Variants in PCDH11X observed in about 807,000 individuals in gnomAD.
PCDH11X encodes the protein protocadherin-11 X-linked.
A neutral mutation model predicts 53.3 loss-of-function variants in PCDH11X; 18 were observed. The ratio of observed to expected loss-of-function variants is 0.34; its 90% CI spans 0.23 to 0.50. PCDH11X has a LOEUF of 0.50. PCDH11X is among the 20% of genes least tolerant of loss of function. The pLI is 0.98. For missense variants in PCDH11X, 570 were observed against 1,032.4 expected, an observed-to-expected ratio of 0.55 and a Z score of 6.14; for synonymous variants, 279 against 393.3, an observed-to-expected ratio of 0.71 and a Z score of 3.44.
chrX:92,278,065 G>C lies in PCDH11X; in HGVS notation c.3144+14922G>C, dbSNP rs184586950. Among the ~76,000 whole-genome samples the C allele has an allele frequency of 2.8e-3, 311 of 110,270 alleles. 2 individuals carry two copies. The highest frequency in any genetic ancestry group is 4.1e-3 in the Non-Finnish European group (212 of 52,306). On this transcript the variant is annotated intron_variant, in intron 8 of 10. Coordinates refer to ENST00000682573, the MANE Select transcript of PCDH11X (RefSeq NM_032968.5). ...ACCAGCGCTGGAGTTTTGGGTCCAT[G>C]GATAAAACGTGTCTCCTTTGTCTCT...
intron 8 of PCDH11X, among the ~76,000 whole-genome samples, chrX:92,348,562 GT>G (rs2069964217): frequency 9.4e-6 from 1 of 106,555 alleles, no homozygotes; most frequent in Non-Finnish European, 1.9e-5. Flanking sequence ...TTGAGACGGA[GT>G]TTCGCTCTTG....
At chrX:92,260,485 G>A (rs2067692576) in intron 7 of PCDH11X, among the ~76,000 whole-genome samples, 1 of 111,333 alleles carries the variant, frequency 9.0e-6, no homozygotes, top group African/African-American at 3.3e-5. Context: ...GGTAGCATCA[G>A]CGATTCAGGA....
intron 1 of PCDH11X, among the ~76,000 whole-genome samples, chrX:91,807,271 G>A (rs957870206): frequency 1.0e-4 from 11 of 110,335 alleles, no homozygotes; most frequent in East Asian, 5.7e-4. Flanking sequence ...GTCAAGCCCC[G>A]GAGTTGGAGG....
intron 6 of PCDH11X, among the ~76,000 whole-genome samples, chrX:92,065,761 C>G (rs939476998): frequency 1.8e-5 from 2 of 108,305 alleles, no homozygotes; most frequent in African/African-American, 6.7e-5. Flanking sequence ...GATTATGAAT[C>G]TCTTGTCAGA....
intron 8 of PCDH11X, among the ~76,000 whole-genome samples, chrX:92,276,746 G>A (rs935700479): frequency 1.5e-4 from 17 of 111,666 alleles, no homozygotes; most frequent in East Asian, 5.7e-4. Context: ...ATTTAATGTC[G>A]GGAGCAGATT....
chrX:92,106,703 T>A lies in PCDH11X; in HGVS notation c.3034-94672T>A, dbSNP rs565257002. Among the ~76,000 whole-genome samples the A allele has an allele frequency of 2.9e-4, 32 of 112,201 alleles. No homozygotes were observed. In the South Asian group the frequency reaches 0.012, roughly 41 times the overall value. On this transcript the variant is annotated intron_variant, in intron 6 of 10. Coordinates refer to ENST00000682573, the MANE Select transcript of PCDH11X (RefSeq NM_032968.5). ...TAAATAATTCAAATACTGAATTAAG[T>A]CTATAGTTAACAAGATATCACTTAC...
At chrX:91,944,851 A>G (rs2061553244) in intron 6 of PCDH11X, among the ~76,000 whole-genome samples, 1 of 105,984 alleles carries the variant, frequency 9.4e-6, no homozygotes, top group Non-Finnish European at 2.0e-5. Context: ...TTAAAAAGGA[A>G]CAGCTTTCAA....
In PCDH11X at chrX:91,946,560, T is replaced by TAC. The variant is rs1259849604; in HGVS notation, c.3033+67288_3033+67289insCA. Among the ~76,000 whole-genome samples the TAC allele has an allele frequency of 2.8e-4, 12 of 42,139 alleles. No individual in the cohort carries two copies. The South Asian group carries it at 0.011, about 39-fold the overall frequency. The allele number at this position is 42,139 out of a possible 115,157, so 36.6% of individuals were successfully genotyped here. A position where few individuals can be genotyped will look rare whatever the true frequency, so the allele number is the denominator to read the frequency against. On this transcript the variant is annotated intron_variant, in intron 6 of 10. Transcript: ENST00000682573. Reference sequence around the variant, plus strand: ...TTTGGATTCAAACCTGTTTCCCTCATATATATATATATATATATATATATA... The same window carrying TAC: ...TTTGGATTCAAACCTGTTTCCCTCATACATATATATATATATATATATATATA...
chrX:92,493,767 C>T (rs2073810509), intron 10 of PCDH11X, among the ~76,000 whole-genome samples: 1 of 104,755 alleles, frequency 9.5e-6, no homozygotes, highest in Non-Finnish European at 2.0e-5. Flanking sequence ...CTGTCTCAGC[C>T]TCCTGAGTAG....
intron 9 of PCDH11X, among the ~76,000 whole-genome samples, chrX:92,463,850 G>A (rs2073102032): frequency 9.1e-6 from 1 of 110,413 alleles, no homozygotes; most frequent in Non-Finnish European, 1.9e-5. Context: ...GGAAAAATGA[G>A]TTAATTTCAG....
chrX:91,930,589 G>GA (rs72053464), intron 6 of PCDH11X, among the ~76,000 whole-genome samples: 18 of 102,265 alleles, frequency 1.8e-4, no homozygotes, highest in Admixed American at 2.2e-4. Flanking sequence ...TTCTTTCTCA[G>GA]AAAAAAAAAA....
At chrX:92,071,315 C>T (rs902812877) in intron 6 of PCDH11X, among the ~76,000 whole-genome samples, 5 of 110,840 alleles carry the variant, frequency 4.5e-5, no homozygotes, top group Non-Finnish European at 9.4e-5. Flanking sequence ...TGCATCTTTC[C>T]ACTCTAGAAT....
At chrX:92,557,258 A>G (rs2075060255) in intron 10 of PCDH11X, among the ~76,000 whole-genome samples, 1 of 110,385 alleles carries the variant, frequency 9.1e-6, no homozygotes, top group Admixed American at 9.7e-5. Context: ...AGAAGGCTTG[A>G]ATTTCTCCCC....
At chrX:92,154,240 A>G (rs899297180) in intron 6 of PCDH11X, among the ~76,000 whole-genome samples, 1 of 111,552 alleles carries the variant, frequency 9.0e-6, no homozygotes, top group African/African-American at 3.3e-5. Context: ...TAATGACATT[A>G]TATAATGTAA....
chrX:91,873,914 C>T (rs981124330), intron 5 of PCDH11X, among the ~76,000 whole-genome samples: 4 of 110,603 alleles, frequency 3.6e-5, no homozygotes, highest in South Asian at 7.6e-4. Flanking sequence ...AATGTAAATC[C>T]GTTAGTGTCA....
chrX:92,004,091 T>C (rs1474360894), intron 6 of PCDH11X, among the ~76,000 whole-genome samples: 2 of 110,487 alleles, frequency 1.8e-5, no homozygotes, highest in Admixed American at 1.9e-4. Context: ...GTTTCCATTA[T>C]GATTTGTTTC....
intron 4 of PCDH11X, among the ~76,000 whole-genome samples, chrX:91,824,549 T>G (rs1338526599): frequency 9.2e-6 from 1 of 108,878 alleles, no homozygotes; most frequent in Non-Finnish European, 1.9e-5. Flanking sequence ...CACTTCTCTG[T>G]ATTGGTTATT....
intron 1 of PCDH11X, among the ~76,000 whole-genome samples, chrX:91,803,501 G>T (rs191940971): frequency 2.1e-3 from 235 of 111,210 alleles, no homozygotes; most frequent in African/African-American, 7.5e-3. Flanking sequence ...AACATATTTT[G>T]TATTGTTTAA....
At chrX:91,890,836 T>C (rs1940444156) in intron 6 of PCDH11X, among the ~76,000 whole-genome samples, 1 of 111,521 alleles carries the variant, frequency 9.0e-6, no homozygotes, top group African/African-American at 3.3e-5. Flanking sequence ...TTTACCATAA[T>C]TGTATACATG....
Sources: gnomAD v4.1 joint callset for allele counts (sites outside exome capture counted in the v4.1 genomes callset) on GRCh38, gnomAD v4.1.1 for gene constraint, MANE v1.5 for transcripts, NCBI Gene and HGNC (gene_info 2026-07-23, HGNC 2026-07-21) for gene names.